KIAA1217: variants seen among roughly 807,000 people sequenced by gnomAD.
KIAA1217 encodes the protein KIAA1217, also known as sickle tail protein homolog.
In KIAA1217, 88 loss-of-function variants were observed where a neutral mutation model predicts 163.9. The ratio of observed to expected loss-of-function variants is 0.54; its 90% CI spans 0.45 to 0.64. The LOEUF (loss-of-function observed/expected upper bound fraction) is 0.64. KIAA1217 is among the 30% of genes least tolerant of loss of function. The pLI is 0.00. For synonymous variants in KIAA1217, 903 were observed against 923.1 expected, an observed-to-expected ratio of 0.98 and a Z score of 0.39; for missense variants, 2,372 against 2,475.0, an observed-to-expected ratio of 0.96 and a Z score of 0.88.
At chr10:24,416,069 C>T (rs1465209113) in intron 3 of KIAA1217, among the ~76,000 whole-genome samples, 6 of 152,138 alleles carry the variant, frequency 3.9e-5, no homozygotes, top group African/African-American at 1.4e-4. Context: ...GGCAGCTGTA[C>T]CCTGTTACAA....
chr10:24,350,386 G>A (rs10828634), intron 2 of KIAA1217, among the ~76,000 whole-genome samples: 41,801 of 152,066 alleles, frequency 0.27, 6,286 homozygotes, highest in Middle Eastern at 0.38. Flanking sequence ...ACTACCCAAA[G>A]GAAAGTTACT....
intron 2 of KIAA1217, among the ~76,000 whole-genome samples, chr10:24,082,136 C>T (rs1295097318): frequency 6.6e-6 from 1 of 152,202 alleles, no homozygotes; most frequent in African/African-American, 2.4e-5. Flanking sequence ...TTAGGAATGA[C>T]TGATGGCTGT....
chr10:24,501,834 C>A (rs1167887505), intron 9 of KIAA1217, among the ~76,000 whole-genome samples: 11 of 143,782 alleles, frequency 7.7e-5, no homozygotes, highest in South Asian at 2.2e-4. Context: ...CTGCAAGCTC[C>A]GTCTCCCGGG....
At chr10:23,874,776 T>C (rs931232847) in intron 1 of KIAA1217, among the ~76,000 whole-genome samples, 2 of 152,006 alleles carry the variant, frequency 1.3e-5, no homozygotes, top group Non-Finnish European at 1.5e-5. Flanking sequence ...ATCTTTGGCA[T>C]CTCTACCAGT....
In KIAA1217 at chr10:23,840,258, C is replaced by A. The variant is rs367879616; in HGVS notation, c.-321+145024C>A. On this transcript the variant is annotated intron_variant, in intron 1 of 18. Coordinates refer to the KIAA1217 transcript ENST00000376462. ...GCAACCTCTACCTCCCAGGTTCAAG[C>A]AATTCTTCTGCCTCAGCCTCCCGAG... Among the ~76,000 whole-genome samples the A allele has an allele frequency of 7.2e-5, 11 of 151,898 alleles. 1 individual carries two copies. In the East Asian group the frequency reaches 1.2e-3, roughly 16 times the overall value.
intron 1 of KIAA1217, among the ~76,000 whole-genome samples, chr10:23,823,242 C>A (rs74696850): frequency 0.027 from 4,114 of 152,218 alleles, 184 homozygotes; most frequent in African/African-American, 0.091. Context: ...GAATTCGGTT[C>A]GTTACGGTTG....
chr10:23,819,567 A>G (rs1837521979), intron 1 of KIAA1217, among the ~76,000 whole-genome samples: 1 of 152,196 alleles, frequency 6.6e-6, no homozygotes, highest in Non-Finnish European at 1.5e-5. Flanking sequence ...AGATACATTC[A>G]GCTGAATGCA....
chr10:23,726,936 G>T (rs1838178585), intron 1 of KIAA1217, among the ~76,000 whole-genome samples: 1 of 148,570 alleles, frequency 6.7e-6, no homozygotes, highest in Non-Finnish European at 1.5e-5. Flanking sequence ...ATAATTTTAG[G>T]ATATTTAATT....
intron 1 of KIAA1217, among the ~76,000 whole-genome samples, chr10:23,931,654 A>G (rs1843256577): frequency 6.6e-6 from 1 of 152,190 alleles, no homozygotes; most frequent in Non-Finnish European, 1.5e-5. Flanking sequence ...AGATTGACCC[A>G]AAAGTGTCTG....
chr10:23,795,691 A>G (rs1365916519), intron 1 of KIAA1217, among the ~76,000 whole-genome samples: 1 of 152,186 alleles, frequency 6.6e-6, no homozygotes, highest in Admixed American at 6.5e-5. Flanking sequence ...GGTTTGGCCT[A>G]CAGGCATGAC....
At chr10:23,918,272 G>A (rs1327121225) in intron 1 of KIAA1217, among the ~76,000 whole-genome samples, 2 of 151,684 alleles carry the variant, frequency 1.3e-5, no homozygotes, top group Non-Finnish European at 2.9e-5. Context: ...TGGGATAACA[G>A]GCATGAGCCG....
intron 8 of KIAA1217, among the ~76,000 whole-genome samples, chr10:24,498,485 G>A (rs933540653): frequency 1.3e-5 from 2 of 152,070 alleles, no homozygotes; most frequent in Non-Finnish European, 2.9e-5. Context: ...AGATTAAGAG[G>A]TTATAGATGA....
chr10:23,889,999 C>T (rs2131212126), intron 1 of KIAA1217, among the ~76,000 whole-genome samples: 1 of 151,684 alleles, frequency 6.6e-6, no homozygotes, highest in Admixed American at 6.6e-5. Flanking sequence ...GCATTTTATC[C>T]TCTAATTCCT....
At chr10:23,848,157 G>T (rs1022776318) in intron 1 of KIAA1217, among the ~76,000 whole-genome samples, 30 of 152,092 alleles carry the variant, frequency 2.0e-4, no homozygotes, top group African/African-American at 7.2e-4. Flanking sequence ...TAGAATAAGT[G>T]TGATGAGGTG....
intron 1 of KIAA1217, among the ~76,000 whole-genome samples, chr10:23,731,101 C>CT (rs1008838807): frequency 4.6e-5 from 7 of 151,728 alleles, no homozygotes; most frequent in Non-Finnish European, 7.4e-5. Context: ...GGAAGGAGAG[C>CT]TTTTTTTTCA....
intron 17 of KIAA1217, among the ~76,000 whole-genome samples, chr10:24,540,905 A>G (rs903861964): frequency 6.6e-6 from 1 of 151,902 alleles, no homozygotes; most frequent in Non-Finnish European, 1.5e-5. Flanking sequence ...CGTAGCTGAT[A>G]TTACAGGCAC....
intron 1 of KIAA1217, among the ~76,000 whole-genome samples, chr10:23,703,912 T>C (rs562701613): frequency 6.6e-6 from 1 of 151,568 alleles, no homozygotes; most frequent in East Asian, 1.9e-4. Flanking sequence ...AAAACTGCAT[T>C]TTTGTTTTTG....
At chr10:24,456,175 C>G (rs931701494) in intron 5 of KIAA1217, among the ~76,000 whole-genome samples, 9 of 152,186 alleles carry the variant, frequency 5.9e-5, no homozygotes, top group African/African-American at 1.7e-4. Context: ...CGTGAGCCAC[C>G]ATGTCCAGCC....
At chr10:23,905,259 G>A (rs1459703438) in intron 1 of KIAA1217, among the ~76,000 whole-genome samples, 1 of 151,306 alleles carries the variant, frequency 6.6e-6, no homozygotes, top group African/African-American at 2.4e-5. Context: ...TGGATCACAT[G>A]CACTATCTCT....
Sources: gnomAD v4.1 joint callset for allele counts (sites outside exome capture counted in the v4.1 genomes callset) on GRCh38, gnomAD v4.1.1 for gene constraint, MANE v1.5 for transcripts, NCBI Gene and HGNC (gene_info 2026-07-23, HGNC 2026-07-21) for gene names.